The following CDH20 variants were observed in gnomAD, a reference collection of about 807,000 sequenced individuals.
CDH20 encodes cadherin 20.
CDH20 carries 29 observed loss-of-function variants against 74.2 expected under a neutral mutation model. The observed-to-expected ratio is 0.39, with a 90% CI of 0.29 to 0.53. The LOEUF (loss-of-function observed/expected upper bound fraction) is 0.53. Ranked by LOEUF, CDH20 falls within the 20% of genes least tolerant of loss-of-function variation. The pLI is 0.69. For missense variants in CDH20, 988 were observed against 1,048.3 expected (o/e 0.94, Z 0.79); for synonymous variants, 469 against 405.4 (o/e 1.16, Z -1.88).
chr18:61,380,106 G>A (rs1911384581), intron 1 of CDH20, among the ~76,000 whole-genome samples: 1 of 152,186 alleles, frequency 6.6e-6, no homozygotes, highest in South Asian at 2.1e-4. Context: ...GTGGGTTAGG[G>A]AAGTACTGAA....
chr18:61,512,339 C>T (rs561547931), intron 6 of CDH20, among the ~76,000 whole-genome samples: 4 of 152,238 alleles, frequency 2.6e-5, no homozygotes, highest in Middle Eastern at 3.4e-3. Context: ...TTCCATCTTA[C>T]GACAAGAAGA....
intron 9 of CDH20, among the ~76,000 whole-genome samples, chr18:61,543,939 C>T (rs1201939349): frequency 6.6e-6 from 1 of 152,198 alleles, no homozygotes; most frequent in Non-Finnish European, 1.5e-5. Context: ...GCACCCGAGC[C>T]CTTTAACTCA....
chr18:61,465,515 C>T (rs185846064), intron 1 of CDH20, among the ~76,000 whole-genome samples: 1 of 151,624 alleles, frequency 6.6e-6, no homozygotes, highest in Admixed American at 6.6e-5. Context: ...ATTTGCAAAA[C>T]TGAATTGACA....
At chr18:61,551,735 T>G (rs1539996) in intron 11 of CDH20, among the ~76,000 whole-genome samples, 1 of 152,030 alleles carries the variant, frequency 6.6e-6, no homozygotes, top group Admixed American at 6.5e-5. Context: ...CAGAAGTGGA[T>G]GACCTGTAAG....
At chr18:61,497,054 T>A (rs564672001) in intron 2 of CDH20, among the ~76,000 whole-genome samples, 1 of 147,616 alleles carries the variant, frequency 6.8e-6, no homozygotes, top group Non-Finnish European at 1.5e-5. Context: ...TGGGCACCTC[T>A]ACTTTTTTAA....
rs548997544 is a variant in CDH20, at chr18:61,480,102, G to A, written c.-152-10300G>A. On this transcript the variant is annotated intron_variant, in intron 1 of 11. Coordinates refer to ENST00000262717, the MANE Select transcript of CDH20 (RefSeq NM_031891.4). ...CTAATGAAGAGATTACAGGTTCAAG[G>A]AAAAGGGAATTACCAAAGAATAGGT... Among the ~76,000 whole-genome samples, 6 of 152,200 alleles carry A rather than the reference G, an allele frequency of 3.9e-5. No homozygotes were observed. The East Asian group carries it at 9.7e-4, about 25-fold the overall frequency.
chr18:61,426,795 C>T (rs1913086070), intron 1 of CDH20, among the ~76,000 whole-genome samples: 2 of 152,170 alleles, frequency 1.3e-5, no homozygotes, highest in Non-Finnish European at 2.9e-5. Flanking sequence ...GCTCCTGGGA[C>T]ACGTCCTCGT....
intron 2 of CDH20, among the ~76,000 whole-genome samples, chr18:61,498,701 C>G (rs1911256359): frequency 6.6e-6 from 1 of 152,220 alleles, no homozygotes; most frequent in African/African-American, 2.4e-5. Context: ...GTGCCCTTAA[C>G]CTTTTTATAA....
At chr18:61,483,658 C>T (rs1340166074) in intron 1 of CDH20, among the ~76,000 whole-genome samples, 2 of 152,160 alleles carry the variant, frequency 1.3e-5, no homozygotes, top group Non-Finnish European at 2.9e-5. Flanking sequence ...AAACTGTAAA[C>T]TCCTTGAAGG....
At chr18:61,360,000 A>C (rs140853663) in intron 1 of CDH20, among the ~76,000 whole-genome samples, 5 of 152,316 alleles carry the variant, frequency 3.3e-5, no homozygotes, top group African/African-American at 9.6e-5. Flanking sequence ...AGTTGCCGTC[A>C]AATTTAAGTG....
At chr18:61,430,170 T>A (rs1242740139) in intron 1 of CDH20, among the ~76,000 whole-genome samples, 1 of 152,162 alleles carries the variant, frequency 6.6e-6, no homozygotes, top group African/African-American at 2.4e-5. Context: ...GTCTTGGTCA[T>A]GCTTGCAAGC....
chr18:61,337,144 A>G (rs1909787614), intron 1 of CDH20, among the ~76,000 whole-genome samples: 1 of 152,192 alleles, frequency 6.6e-6, no homozygotes, highest in South Asian at 2.1e-4. Context: ...AGCATTTATC[A>G]CTTTTACATT....
chr18:61,347,476 T>C (rs1233098516), intron 1 of CDH20, among the ~76,000 whole-genome samples: 3 of 150,124 alleles, frequency 2.0e-5, no homozygotes, highest in Non-Finnish European at 3.0e-5. Flanking sequence ...GCCAAGATCG[T>C]GCCACTGTAC....
intron 1 of CDH20, among the ~76,000 whole-genome samples, chr18:61,358,636 T>C (rs1599034703): frequency 6.6e-6 from 1 of 152,354 alleles, no homozygotes; most frequent in East Asian, 1.9e-4. Context: ...GTGGTTTTCC[T>C]GACCTGTCCT....
At chr18:61,381,613 T>C (rs975909784) in intron 1 of CDH20, among the ~76,000 whole-genome samples, 1 of 152,170 alleles carries the variant, frequency 6.6e-6, no homozygotes, top group East Asian at 1.9e-4. Context: ...TATGGGAAAG[T>C]AATTTCAAGA....
intron 1 of CDH20, among the ~76,000 whole-genome samples, chr18:61,460,512 G>T (rs1425171551): frequency 6.6e-6 from 1 of 152,118 alleles, no homozygotes; most frequent in Non-Finnish European, 1.5e-5. Context: ...GCATAAACAG[G>T]CAACCACCAC....
intron 1 of CDH20, among the ~76,000 whole-genome samples, chr18:61,446,377 G>A (rs1909205217): frequency 6.6e-6 from 1 of 152,032 alleles, no homozygotes; most frequent in African/African-American, 2.4e-5. Context: ...ACTGTTTCCT[G>A]TTCTCACCGC....
intron 6 of CDH20, among the ~76,000 whole-genome samples, chr18:61,523,705 G>C (rs1912291296): frequency 6.6e-6 from 1 of 152,214 alleles, no homozygotes; most frequent in South Asian, 2.1e-4. Flanking sequence ...TAAAGAAAAT[G>C]TGGCACATAT....
intron 1 of CDH20, among the ~76,000 whole-genome samples, chr18:61,360,263 G>A (rs62098067): frequency 6.6e-6 from 1 of 152,100 alleles, no homozygotes; most frequent in African/African-American, 2.4e-5. Flanking sequence ...CTACTTAAGT[G>A]GGCATAAGGG....
Sources: allele counts gnomAD v4.1 joint callset (sites outside exome capture counted in the v4.1 genomes callset), GRCh38; gene constraint gnomAD v4.1.1; transcripts MANE v1.5; gene names NCBI Gene and HGNC (gene_info 2026-07-23, HGNC 2026-07-21).